Variants in CYP7A1 observed in about 807,000 individuals in gnomAD.
The protein encoded by CYP7A1 is cytochrome P450 7A1.
Under a neutral mutation model 43.8 loss-of-function variants are expected in CYP7A1, and 28 were observed. The ratio of observed to expected loss-of-function variants is 0.64; its 90% CI spans 0.47 to 0.88. The LOEUF (loss-of-function observed/expected upper bound fraction) is 0.88, where lower values mean the gene tolerates loss of function less well. CYP7A1 is among the 40% of genes least tolerant of loss of function. CYP7A1 has a pLI of 0.00. For synonymous variants in CYP7A1, 227 were observed against 222.5 expected, an observed-to-expected ratio of 1.02 and a Z score of -0.18; for missense variants, 637 against 611.9, an observed-to-expected ratio of 1.04 and a Z score of -0.43.
At chr8:58,499,451 A>G (rs557567325) in intron 1 of CYP7A1, among the ~76,000 whole-genome samples, 2 of 152,200 alleles carry the variant, frequency 1.3e-5, no homozygotes, top group Non-Finnish European at 2.9e-5. Context: ...AATAAATGAA[A>G]TCGATGTCAC....
chr8:58,491,758 C>T lies in CYP7A1; in HGVS notation c.1232G>A (p.Arg411Lys). Residue 411 changes from arginine to lysine, a missense_variant, in exon 6 of 6, where the codon AGG (arginine) becomes AAG (lysine). Arg to Lys is a conservative substitution (Grantham distance 26, BLOSUM62 2). Transcript: ENST00000301645. Reference sequence around the variant, plus strand: ...TGTCTTCCCGTTTTCATCAAGATACCTATCATATTTAAAAGTCTGCAATAA... The same window carrying T: ...TGTCTTCCCGTTTTCATCAAGATACTTATCATATTTAAAAGTCTGCAATAA... ...YPDPLTFKYD[R>K]YLDENGKTKT... 1.2e-6 allele frequency: 2 copies of T among 1,613,332 alleles called. No individual in the cohort carries two copies. Among genetic ancestry groups the T allele is most frequent in the Non-Finnish European group, 1.7e-6 (2 of 1,179,378 alleles).
chr8:58,494,739 G>A (rs972256162), intron 3 of CYP7A1, 103 bp from the exon 4 acceptor site: 68 of 1,076,712 alleles, frequency 6.3e-5, no homozygotes, highest in Non-Finnish European at 8.6e-5. Flanking sequence ...TTAACTAGAT[G>A]GTGAAGATAC....
rs1269511504 is a variant in CYP7A1 at position 58,491,865 on chromosome 8, C to A, written c.1216-91G>T. On this transcript the variant is annotated intron_variant, in intron 5 of 5. Coordinates refer to ENST00000301645, the MANE Select transcript of CYP7A1 (RefSeq NM_000780.4). ...CCTGGAAGCTCCAAAGAGTAATTTT[C>A]TTTTTAATTCTACCCCATTAGTGAT... 13 of 1,064,720 alleles carry A rather than the reference C, an allele frequency of 1.2e-5. No individual in the cohort carries two copies. In the East Asian group the frequency reaches 1.9e-4, roughly 16 times the overall value. 66.0% of individuals were successfully genotyped at this position (1,064,720 alleles called of 1,614,324 possible).
chr8:58,497,219 G>T, intron 2 of CYP7A1, 29 bp from the exon 3 acceptor site: 1 of 1,568,250 alleles, frequency 6.4e-7, no homozygotes, highest in Non-Finnish European at 8.7e-7. Context: ...TGCAGAAAAA[G>T]AAGTTAAACC....
At position 58,491,693 on chromosome 8, in the gene CYP7A1, A is replaced by T. The variant is rs1809354110; in HGVS notation, c.1297T>A (p.Tyr433Asn). 7 of 1,613,730 alleles carry T rather than the reference A, an allele frequency of 4.3e-6. No homozygotes were observed. The highest frequency in any genetic ancestry group is 5.1e-6 in the Non-Finnish European group (6 of 1,179,620). The change falls in exon 6 of 6, where the codon TAC becomes AAC. Residue 433 changes from tyrosine to asparagine, a missense_variant. By Grantham distance (143) the Tyr-to-Asn change is moderately radical. Coordinates refer to ENST00000301645, the MANE Select transcript of CYP7A1 (RefSeq NM_000780.4). ...FYCNGLKLKY[Y>N]YMPFGSGATI... is the part of the protein sequence containing the mutation. ...GCTCCCGATCCAAAGGGCATGTAGT[A>T]ATACTTTAACTTGAGTCCATTACAA...
intron 5 of CYP7A1, 52 bp from the exon 6 acceptor site, chr8:58,491,826 T>C (rs888697191): frequency 2.0e-6 from 3 of 1,466,816 alleles, no homozygotes; most frequent in Non-Finnish European, 1.9e-6. Context: ...TAAAGAAATT[T>C]ATCTCTTTCT....
At chr8:58,492,635 A>G in intron 4 of CYP7A1, 107 bp from the exon 5 acceptor site, 1 of 889,476 alleles carries the variant, frequency 1.1e-6, no homozygotes, top group Non-Finnish European at 1.8e-6. Context: ...AGTCTGAACT[A>G]CAGACAGCCT....
intron 3 of CYP7A1, among the ~76,000 whole-genome samples, chr8:58,496,163 A>G (rs1043041602): frequency 2.0e-5 from 3 of 152,254 alleles, no homozygotes; most frequent in African/African-American, 4.8e-5. Context: ...CTGTGAATGA[A>G]CAAATAAGTA....
chr8:58,498,090 T>C (rs570487507), intron 2 of CYP7A1, 139 bp downstream of exon 2: 187 of 925,784 alleles, frequency 2.0e-4, no homozygotes, highest in Middle Eastern at 3.4e-4. Context: ...TTTATTTATG[T>C]TTCTAAGAAT....
chr8:58,494,663 A>G (rs764052729), intron 3 of CYP7A1, 27 bp from the exon 4 acceptor site: 1 of 1,611,086 alleles, frequency 6.2e-7, no homozygotes, highest in South Asian at 1.1e-5. Flanking sequence ...GAAAACATGT[A>G]TGTACAGAAA....
rs1026171025 is a variant in CYP7A1, at chr8:58,496,734, G to T, written c.778C>A (p.Arg260Ser). 5.1e-5 allele frequency: 83 copies of T among 1,614,142 alleles called. No individual in the cohort carries two copies. Among genetic ancestry groups the T allele is most frequent in the Non-Finnish European group, 6.9e-5 (82 of 1,179,990 alleles). The change falls in exon 3 of 6, where the codon CGC (arginine) becomes AGC (serine). Residue 260 changes from arginine (R) to serine (S), a missense_variant. Arg to Ser is a moderately radical substitution (Grantham distance 110). Coordinates refer to ENST00000301645, the MANE Select transcript of CYP7A1 (RefSeq NM_000780.4). ...GACAAAGTGTCATTGAGAAACATGC[G>T]CAGGCTGATCAGTTCTGAGATGCTT... Reference protein sequence around the residue: ...RESISELISLRMFLNDTLSTF... With the variant: ...RESISELISLSMFLNDTLSTF...
At chr8:58,492,842 G>T (rs1455256596) in intron 4 of CYP7A1, among the ~76,000 whole-genome samples, 1 of 152,150 alleles carries the variant, frequency 6.6e-6, no homozygotes, top group Non-Finnish European at 1.5e-5. Context: ...CTGGCTCACT[G>T]CAGCCTCAAC....
chr8:58,495,294 T>C (rs1809422164), intron 3 of CYP7A1, among the ~76,000 whole-genome samples: 1 of 149,656 alleles, frequency 6.7e-6, no homozygotes, highest in Non-Finnish European at 1.5e-5. Context: ...GGCGCAATCT[T>C]GGCTCACCGC....
rs1267506540 is a variant in CYP7A1 at position 58,498,252 on chromosome 8, A to AT, written c.297dup (p.Phe100IlefsTer16). 6.2e-7 allele frequency: 1 copy of AT among 1,614,008 alleles called. No individual in the cohort carries two copies. Among genetic ancestry groups the AT allele is most frequent in the Non-Finnish European group, 8.5e-7 (1 of 1,180,018 alleles). Reference sequence around the variant, plus strand: ...ACCTTCGCAGAAGTAGCAAAGTGAAATTTTTTCCAATCAAAATATTTTCCG... The same window carrying AT: ...ACCTTCGCAGAAGTAGCAAAGTGAAATTTTTTTCCAATCAAAATATTTTCCG... On this transcript the variant is annotated frameshift_variant, in exon 2 of 6. Transcript: ENST00000301645. LOFTEE classifies it high-confidence loss of function.
chr8:58,495,440 G>C (rs1478099002), intron 3 of CYP7A1, among the ~76,000 whole-genome samples: 1 of 152,030 alleles, frequency 6.6e-6, no homozygotes, highest in South Asian at 2.1e-4. Context: ...GTGTTAGCCA[G>C]GATGGTCTCG....
intron 3 of CYP7A1, among the ~76,000 whole-genome samples, chr8:58,495,286 C>T (rs967425544): frequency 7.1e-5 from 10 of 141,730 alleles, no homozygotes; most frequent in African/African-American, 2.2e-4. Flanking sequence ...AGTGCAGGGG[C>T]GCAATCTTGG....
In CYP7A1 at chr8:58,497,064, G is replaced by C. The variant is rs1419311083; in HGVS notation, c.448C>G (p.Gln150Glu). 6.2e-7 allele frequency: 1 copy of C among 1,604,392 alleles called. No homozygotes were observed. The highest frequency in any genetic ancestry group is 8.5e-7 in the Non-Finnish European group (1 of 1,179,954). The part of the protein sequence containing the change: ...SLTESMMENL[Q>E]RIMRPPVSSN... The stretch of plus-strand genomic sequence containing the variant: ...GAGACTGGAGGTCTCATGATACGTT[G>C]GAGGTTTTCCATCATGCTTTCCGTG... The change falls in exon 3 of 6, where the codon CAA (glutamine) becomes GAA (glutamate). Residue 150 changes from glutamine to glutamate, a missense_variant. Physicochemically the swap from Gln to Glu is conservative, Grantham distance 29 (BLOSUM62 2). Coordinates refer to ENST00000301645, the MANE Select transcript of CYP7A1 (RefSeq NM_000780.4).
At position 58,496,840 on chromosome 8, in the gene CYP7A1, G is replaced by A. The variant is rs1344153305; in HGVS notation, c.672C>T (p.Pro224=). The A allele has an allele frequency of 1.2e-6, 2 of 1,614,192 alleles. No homozygotes were observed. The highest frequency in any genetic ancestry group is 2.2e-5 in the South Asian group (2 of 91,074). The change falls in exon 3 of 6, where the codon CCC becomes CCT. Residue 224 remains proline (P), a synonymous_variant. Transcript: ENST00000301645. ...TGTGCGCAGTCCTGAACATGTGAAT[G>A]GGGAGGCCTGCTACCAGGGCTGGAA... ...KVFPALVAGL[P]IHMFRTAHNA... is the part of the protein sequence containing the mutation.
At chr8:58,494,740 G>T in intron 3 of CYP7A1, 104 bp from the exon 4 acceptor site, 1 of 1,068,906 alleles carries the variant, frequency 9.4e-7, no homozygotes. Context: ...TAACTAGATG[G>T]TGAAGATACC....
Sources: allele counts gnomAD v4.1 joint callset (sites outside exome capture counted in the v4.1 genomes callset), GRCh38; gene constraint gnomAD v4.1.1; transcripts MANE v1.5; gene names NCBI Gene and HGNC (gene_info 2026-07-23, HGNC 2026-07-21).